Variants in MGRN1 observed in about 807,000 individuals in gnomAD.
MGRN1 encodes the protein mahogunin ring finger 1.
A neutral mutation model predicts 69.2 loss-of-function variants in MGRN1; 29 were observed. The ratio of observed to expected loss-of-function variants is 0.42; its 90% CI spans 0.31 to 0.57. The LOEUF is 0.57. Ranked by LOEUF, MGRN1 falls within the 20% of genes least tolerant of loss-of-function variation. MGRN1 has a pLI of 0.15. For synonymous variants in MGRN1, 470 were observed against 344.2 expected (o/e 1.37, Z -4.04); for missense variants, 998 against 796.2 (o/e 1.25, Z -3.05).
intron 9 of MGRN1, 101 bp downstream of exon 9, chr16:4,671,560 G>T: frequency 9.3e-7 from 1 of 1,077,310 alleles, no homozygotes; most frequent in Non-Finnish European, 1.4e-6. Context: ...GCCTTCCCCT[G>T]GAGTCCTAGA....
rs60971166 is a variant in MGRN1, at chr16:4,688,485, G to A, written c.1619-311G>A. The A allele has an allele frequency of 2.1e-3, 2,405 of 1,153,482 alleles. 37 individuals are homozygous for A. The African/African-American group carries it at 0.036, about 17-fold the overall frequency. The allele number at this position is 1,153,482 out of a possible 1,614,324, so 71.5% of individuals were successfully genotyped here. A position where few individuals can be genotyped will look rare whatever the true frequency, so the allele number is the denominator to read the frequency against. On this transcript the variant is annotated intron_variant, in intron 16 of 16. Coordinates refer to ENST00000262370, the MANE Select transcript of MGRN1 (RefSeq NM_015246.4). ...CACATCCCAGGAAACCGGAACCAGG[G>A]CAAGGGCAGGAGGCCCAGAGGGCAT...
chr16:4,664,989 G>GTA (rs2078767733), intron 6 of MGRN1, 113 bp from the exon 7 acceptor site: 1 of 1,308,268 alleles, frequency 7.6e-7, no homozygotes, highest in Admixed American at 1.8e-5. Flanking sequence ...GGACTCTATG[G>GTA]ACTCTGTGCA....
rs2078772376 is a variant in MGRN1 at position 4,665,142 on chromosome 16, C to A, written c.669C>A (p.Ala223=). ...VTGHAHVLLA[A]FEKHMDGSFS... is the part of the protein sequence containing the mutation. ...GCCACGCCCACGTGCTCTTGGCTGC[C>A]TTTGAAAAGGTAAGTGCCATCTGGC... Residue 223 remains alanine, a synonymous_variant, in exon 7 of 17, where the codon GCC becomes GCA. Transcript: ENST00000262370. 2 of 1,614,164 alleles carry A rather than the reference C, an allele frequency of 1.2e-6. No individual in the cohort carries two copies. The highest frequency in any genetic ancestry group is 1.7e-6 in the Non-Finnish European group (2 of 1,180,034).
At chr16:4,663,352 G>A (rs533779238) in intron 5 of MGRN1, among the ~76,000 whole-genome samples, 3 of 144,912 alleles carry the variant, frequency 2.1e-5, no homozygotes, top group Non-Finnish European at 4.5e-5. Context: ...CGGGAGCCAC[G>A]GCACCTGGCC....
chr16:4,653,062 A>G (rs1024948539), intron 4 of MGRN1, among the ~76,000 whole-genome samples: 13 of 151,974 alleles, frequency 8.6e-5, no homozygotes, highest in Non-Finnish European at 1.9e-4. Context: ...AGGTCATGCA[A>G]CCCCTGCACT....
intron 16 of MGRN1, chr16:4,688,147 C>T (rs941508671): frequency 1.3e-5 from 13 of 985,556 alleles, no homozygotes; most frequent in Non-Finnish European, 1.6e-5. Flanking sequence ...AGCCATGTGT[C>T]AGGGCTGGTG....
chr16:4,636,516 G>A (rs762633252), intron 1 of MGRN1, among the ~76,000 whole-genome samples: 2 of 152,094 alleles, frequency 1.3e-5, no homozygotes, highest in East Asian at 3.9e-4. Context: ...CTTTGGGTGC[G>A]TTTTTATGCC....
chr16:4,672,367 A>G (rs545795237), intron 9 of MGRN1: 8 of 456,704 alleles, frequency 1.8e-5, no homozygotes, highest in African/African-American at 1.6e-4. Flanking sequence ...GTTAAAAGGC[A>G]CACTGACATG....
chr16:4,653,965 T>G (rs1335354201), intron 4 of MGRN1, among the ~76,000 whole-genome samples: 1 of 152,200 alleles, frequency 6.6e-6, no homozygotes, highest in African/African-American at 2.4e-5. Context: ...TTGGTCAGGC[T>G]GGTCTCAATC....
chr16:4,686,334 C>A (rs1368878672), intron 16 of MGRN1: 1 of 1,540,676 alleles, frequency 6.5e-7, no homozygotes, highest in African/African-American at 1.4e-5. Flanking sequence ...GCTTCGGGGG[C>A]TCTGACGCGC....
intron 16 of MGRN1, chr16:4,687,235 G>C (rs2079345962): frequency 1.0e-6 from 1 of 985,458 alleles, no homozygotes; most frequent in South Asian, 4.7e-5. Flanking sequence ...CTCTACCAGG[G>C]TGGCCCAGGT....
intron 10 of MGRN1, among the ~76,000 whole-genome samples, chr16:4,675,687 T>C (rs2079038526): frequency 2.0e-5 from 3 of 149,618 alleles, no homozygotes; most frequent in African/African-American, 7.4e-5. Flanking sequence ...GCTGTGATTG[T>C]GCCACCACTG....
rs757797825 is a variant in MGRN1 at position 4,624,983 on chromosome 16, G to A, written c.23G>A (p.Arg8His). 1.5e-5 allele frequency: 23 copies of A among 1,556,030 alleles called. No homozygotes were observed. Among genetic ancestry groups the A allele is most frequent in the African/African-American group, 2.8e-5 (2 of 70,296 alleles). Reference protein sequence around the residue: MGSILSRRIAGVEDIDIQ... With the variant: MGSILSRHIAGVEDIDIQ... Reference sequence around the variant, plus strand: ...ACCATGGGCTCCATTCTCAGCCGCCGCATCGCGGGGGTGGAGGACATCGAC... The same window carrying A: ...ACCATGGGCTCCATTCTCAGCCGCCACATCGCGGGGGTGGAGGACATCGAC... The change falls in exon 1 of 17, where the codon CGC becomes CAC. Residue 8 changes from arginine (R) to histidine (H), a missense_variant. Transcript: ENST00000262370.
At chr16:4,682,312 C>T (rs777107627) in intron 13 of MGRN1, among the ~76,000 whole-genome samples, 1 of 152,228 alleles carries the variant, frequency 6.6e-6, no homozygotes, top group Non-Finnish European at 1.5e-5. Context: ...GGGCCTGGCT[C>T]CTGGGGTTGG....
chr16:4,674,591 CTT>C (rs1293498329), intron 10 of MGRN1, among the ~76,000 whole-genome samples: 21 of 84,226 alleles, frequency 2.5e-4, no homozygotes, highest in Non-Finnish European at 4.2e-4. Context: ...TTTTTTTTTT[CTT>C]TTCTTTTCTT....
chr16:4,671,292 A>T (rs1404603194), intron 8 of MGRN1, 99 bp from the exon 9 acceptor site: 1 of 1,168,830 alleles, frequency 8.6e-7, no homozygotes, highest in African/African-American at 1.5e-5. Context: ...CCTGGTATGG[A>T]AGCCTGGTAA....
At chr16:4,653,635 C>T (rs1000155459) in intron 4 of MGRN1, among the ~76,000 whole-genome samples, 11 of 145,100 alleles carry the variant, frequency 7.6e-5, no homozygotes, top group South Asian at 4.4e-4. Flanking sequence ...ACTACAGGCA[C>T]GTGCCACCAC....
intron 1 of MGRN1, among the ~76,000 whole-genome samples, chr16:4,638,340 C>T (rs1421470924): frequency 6.6e-6 from 1 of 152,060 alleles, no homozygotes; most frequent in African/African-American, 2.4e-5. Context: ...TGGCGGGTGC[C>T]TGTAATCTCA....
intron 7 of MGRN1, 38 bp from the exon 8 acceptor site, chr16:4,668,227 C>T (rs765962004): frequency 6.2e-7 from 1 of 1,605,494 alleles, no homozygotes; most frequent in Non-Finnish European, 8.5e-7. Context: ...GAGGCGCCAG[C>T]TTGACCACCT....
Sources: gnomAD v4.1 joint callset for allele counts (sites outside exome capture counted in the v4.1 genomes callset) on GRCh38, gnomAD v4.1.1 for gene constraint, MANE v1.5 for transcripts, NCBI Gene and HGNC (gene_info 2026-07-23, HGNC 2026-07-21) for gene names.